The following UGT1A8 variants were observed in gnomAD, a reference collection of about 807,000 sequenced individuals.
The protein encoded by UGT1A8 is UDP glucuronosyltransferase family 1 member A8.
UGT1A8 carries 39 observed loss-of-function variants against 45.3 expected under a neutral mutation model. The observed-to-expected ratio is 0.86, with a 90% CI of 0.67 to 1.12. The LOEUF (loss-of-function observed/expected upper bound fraction) is 1.12. Ranked by LOEUF, UGT1A8 falls within the 50% of genes most tolerant of loss-of-function variation. The pLI, the probability that UGT1A8 is intolerant of heterozygous loss-of-function variation, is 0.00. For synonymous variants in UGT1A8, 275 were observed against 249.2 expected (o/e 1.10, Z -0.97); for missense variants, 719 against 664.9 (o/e 1.08, Z -0.90).
chr2:233,727,866 T>C (rs1246200452), intron 1 of UGT1A8, among the ~76,000 whole-genome samples: 1 of 152,128 alleles, frequency 6.6e-6, no homozygotes, highest in Non-Finnish European at 1.5e-5. Context: ...AAGGGAAGCC[T>C]CAGCCTCACC....
Position 233,768,439 on chromosome 2 carries a change from G to A in UGT1A8, c.1295G>A (p.Ser432Asn), listed in dbSNP as rs1306719122. The change falls in exon 4 of 5, where the codon AGT becomes AAT. Residue 432 changes from serine (S) to asparagine (N), a missense_variant and splice_region_variant. Coordinates refer to ENST00000373450, the MANE Select transcript of UGT1A8 (RefSeq NM_019076.5). ...NALKAVINDK[S>N]YKENIMRLSS... The stretch of plus-strand genomic sequence containing the variant: ...CTAAAAGCAGTCATCAATGACAAAA[G>A]GTAAGAAAGAAGATACAGAAGAATA... 3.1e-6 allele frequency: 5 copies of A among 1,613,244 alleles called. No individual in the cohort carries two copies. The highest frequency in any genetic ancestry group is 1.3e-5 in the African/African-American group (1 of 74,970).
intron 1 of UGT1A8, among the ~76,000 whole-genome samples, chr2:233,643,762 C>T (rs754582782): frequency 3.3e-5 from 5 of 152,180 alleles, no homozygotes; most frequent in East Asian, 1.9e-4. Context: ...AGTTAGCAGG[C>T]GATGAACGCT....
At chr2:233,637,093 C>A (rs747047969) in intron 1 of UGT1A8, 2 of 1,613,910 alleles carry the variant, frequency 1.2e-6, no homozygotes, top group Non-Finnish European at 1.7e-6. Context: ...TTCCTATGTC[C>A]CCAATGATCT....
chr2:233,642,111 C>T (rs769264413), intron 1 of UGT1A8, among the ~76,000 whole-genome samples: 17 of 152,168 alleles, frequency 1.1e-4, no homozygotes, highest in Admixed American at 1.3e-4. Context: ...CTATCTCTTT[C>T]TCTACCTCCA....
chr2:233,764,622 A>G (rs1698606670), intron 1 of UGT1A8, among the ~76,000 whole-genome samples: 1 of 152,124 alleles, frequency 6.6e-6, no homozygotes. Flanking sequence ...GGTTTCATGA[A>G]GAGCAAAGGT....
At chr2:233,638,171 T>A (rs1416927899) in intron 1 of UGT1A8, among the ~76,000 whole-genome samples, 1 of 152,204 alleles carries the variant, frequency 6.6e-6, no homozygotes, top group Non-Finnish European at 1.5e-5. Context: ...TTCAGGAACA[T>A]ATATGTCTCA....
chr2:233,681,808 T>A, intron 1 of UGT1A8: 2 of 1,493,536 alleles, frequency 1.3e-6, no homozygotes, highest in Non-Finnish European at 1.8e-6. Flanking sequence ...GCAGTGAATG[T>A]GAATTTTTTT....
intron 1 of UGT1A8, among the ~76,000 whole-genome samples, chr2:233,641,215 C>T (rs529473236): frequency 1.3e-5 from 2 of 152,298 alleles, no homozygotes; most frequent in South Asian, 2.1e-4. Context: ...CCTTTCTTTA[C>T]CTACAAGTAT....
chr2:233,768,643 G>T (rs1699688311), intron 4 of UGT1A8, among the ~76,000 whole-genome samples: 1 of 136,596 alleles, frequency 7.3e-6, no homozygotes. Context: ...CTGGAGTGCA[G>T]TGGTGCAATC....
At chr2:233,650,200 C>T (rs927793921) in intron 1 of UGT1A8, among the ~76,000 whole-genome samples, 3 of 152,152 alleles carry the variant, frequency 2.0e-5, no homozygotes, top group Admixed American at 2.0e-4. Flanking sequence ...GAACTCCTGA[C>T]CTCAGGTGAT....
At chr2:233,674,932 C>T (rs2074301947) in intron 1 of UGT1A8, among the ~76,000 whole-genome samples, 1 of 152,154 alleles carries the variant, frequency 6.6e-6, no homozygotes, top group Non-Finnish European at 1.5e-5. Context: ...CTGGGAAAAG[C>T]ATGCAGTTGG....
At chr2:233,657,513 C>G (rs981371930) in intron 1 of UGT1A8, among the ~76,000 whole-genome samples, 7 of 152,174 alleles carry the variant, frequency 4.6e-5, no homozygotes, top group Non-Finnish European at 8.8e-5. Flanking sequence ...AGCAATAGGA[C>G]AGGAACTCAC....
intron 3 of UGT1A8, 52 bp downstream of exon 3, chr2:233,767,988 A>G (rs1699538477): frequency 6.2e-7 from 1 of 1,614,042 alleles, no homozygotes; most frequent in Admixed American, 1.7e-5. Flanking sequence ...AATTAAGAAA[A>G]TGGCTTAAGC....
rs768192355 is a variant in UGT1A8 at position 233,659,833 on chromosome 2, C to A, written c.855+41271C>A. Among the ~76,000 whole-genome samples the A allele has an allele frequency of 2.0e-5, 3 of 152,196 alleles. No individual in the cohort carries two copies. The East Asian group carries it at 5.8e-4, about 29-fold the overall frequency. ...GAAGTCAAAAGCAGTCTTCAATAAT[C>A]GGAATCCTTCTGCGAGATTGTCTAA... On this transcript the variant is annotated intron_variant, in intron 1 of 4. Coordinates refer to ENST00000373450, the MANE Select transcript of UGT1A8 (RefSeq NM_019076.5).
chr2:233,747,611 T>C (rs529621956), intron 1 of UGT1A8: 1 of 1,574,810 alleles, frequency 6.3e-7, no homozygotes, highest in African/African-American at 1.4e-5. Flanking sequence ...AGCTACTGCA[T>C]AATGAGGCCC....
intron 1 of UGT1A8, among the ~76,000 whole-genome samples, chr2:233,618,984 G>T (rs991715688): frequency 6.6e-6 from 1 of 151,546 alleles, no homozygotes; most frequent in Middle Eastern, 3.4e-3. Flanking sequence ...TTTAGCCCAC[G>T]TTTTTGAGTA....
intron 1 of UGT1A8, among the ~76,000 whole-genome samples, chr2:233,735,346 T>G (rs559111340): frequency 6.6e-6 from 1 of 152,330 alleles, no homozygotes; most frequent in African/African-American, 2.4e-5. Flanking sequence ...GCTTTTTTTT[T>G]GCTTTCCATT....
At chr2:233,662,540 G>C (rs2073997223) in intron 1 of UGT1A8, among the ~76,000 whole-genome samples, 1 of 152,154 alleles carries the variant, frequency 6.6e-6, no homozygotes, top group African/African-American at 2.4e-5. Context: ...TTGTTGTAGA[G>C]TTTGTTGGAA....
chr2:233,695,766 G>C (rs2125565233), intron 1 of UGT1A8, among the ~76,000 whole-genome samples: 1 of 152,106 alleles, frequency 6.6e-6, no homozygotes, highest in South Asian at 2.1e-4. Context: ...CCTTTTTTAT[G>C]GCTGAATAAT....
Sources: gnomAD v4.1 joint callset for allele counts (sites outside exome capture counted in the v4.1 genomes callset) on GRCh38, gnomAD v4.1.1 for gene constraint, MANE v1.5 for transcripts, NCBI Gene and HGNC (gene_info 2026-07-23, HGNC 2026-07-21) for gene names.